WDR74: variants seen among roughly 807,000 people sequenced by gnomAD.
WDR74 encodes WD repeat domain 74, also known as WD repeat-containing protein 74.
WDR74 carries 31 observed loss-of-function variants against 45.6 expected under a neutral mutation model. The observed-to-expected ratio is 0.68, with a 90% CI of 0.51 to 0.92. The LOEUF (loss-of-function observed/expected upper bound fraction) is 0.92, where lower values mean the gene tolerates loss of function less well. Among genes scored for constraint, WDR74 ranks in the 40% least tolerant of loss-of-function variants. WDR74 has a pLI of 0.00. For synonymous variants in WDR74, 191 were observed against 192.4 expected, an observed-to-expected ratio of 0.99 and a Z score of 0.06; for missense variants, 455 against 497.2, an observed-to-expected ratio of 0.92 and a Z score of 0.81.
intron 3 of WDR74, chr11:62,836,798 C>T (rs2134889511): frequency 6.6e-6 from 1 of 152,622 alleles, no homozygotes; most frequent in East Asian, 1.9e-4. Context: ...CTTGGCCAGG[C>T]ACAGTGGCTC....
chr11:62,838,153 T>G (rs1256244237), intron 3 of WDR74, among the ~76,000 whole-genome samples: 2 of 152,012 alleles, frequency 1.3e-5, no homozygotes, highest in Non-Finnish European at 2.9e-5. Flanking sequence ...GCTTAAAACT[T>G]TTTTTGTTGT....
upstream of WDR74, chr11:62,841,433 G>C (rs780252595): frequency 1.3e-5 from 2 of 152,220 alleles, no homozygotes; most frequent in African/African-American, 4.8e-5. Flanking sequence ...ACCACATGGA[G>C]ATACTACGCT....
At chr11:62,838,963 G>A (rs1354974846) in intron 3 of WDR74, 151 bp downstream of exon 3, 1 of 1,059,032 alleles carries the variant, frequency 9.4e-7, no homozygotes, top group Admixed American at 2.7e-5. Flanking sequence ...GTGTGTTACA[G>A]GTATGAACTA....
upstream of WDR74, chr11:62,841,744 T>C (rs1029441923): frequency 2.6e-5 from 4 of 152,236 alleles, no homozygotes; most frequent in Admixed American, 6.5e-5. Flanking sequence ...ATAGAGGACG[T>C]ATCAGATATT....
chr11:62,835,246 A>G (rs2084940904), intron 6 of WDR74, 185 bp downstream of exon 6: 1 of 599,128 alleles, frequency 1.7e-6, no homozygotes, highest in Admixed American at 3.0e-5. Flanking sequence ...ATAGTTCAGG[A>G]AACTCCACCC....
intron 3 of WDR74, 105 bp from the exon 4 acceptor site, chr11:62,836,141 A>G: frequency 8.8e-6 from 10 of 1,131,994 alleles, no homozygotes; most frequent in Non-Finnish European, 1.3e-5. Context: ...AAAGAAAAAA[A>G]AAAGTATAAA....
chr11:62,837,705 C>T (rs757390254), intron 3 of WDR74, among the ~76,000 whole-genome samples: 2 of 152,012 alleles, frequency 1.3e-5, no homozygotes, highest in South Asian at 2.1e-4. Flanking sequence ...GACATCCAGT[C>T]CCCCCCACAG....
At chr11:62,836,126 T>A in intron 3 of WDR74, 90 bp from the exon 4 acceptor site, 2 of 1,303,768 alleles carry the variant, frequency 1.5e-6, no homozygotes, top group Non-Finnish European at 2.2e-6. Context: ...AGTTGACTAA[T>A]GTTTAAAGAA....
chr11:62,841,671 G>T (rs970596915), upstream of WDR74: 3 of 152,142 alleles, frequency 2.0e-5, no homozygotes, highest in African/African-American at 4.8e-5. Context: ...TGCGTGGAGT[G>T]GACGGAGCAA....
intron 3 of WDR74, among the ~76,000 whole-genome samples, chr11:62,837,352 C>T (rs1227784818): frequency 6.6e-6 from 1 of 151,984 alleles, no homozygotes; most frequent in Non-Finnish European, 1.5e-5. Context: ...AAAAACTTAG[C>T]TGGGCGTGGT....
At chr11:62,836,670 C>G (rs2084964550) in intron 3 of WDR74, 1 of 154,988 alleles carries the variant, frequency 6.5e-6, no homozygotes, top group African/African-American at 2.4e-5. Flanking sequence ...GGTTCGGGCT[C>G]TGTATCGACT....
In WDR74 at chr11:62,839,400, C is replaced by A; in HGVS notation, c.93G>T (p.Ala31=). 1 of 1,613,130 alleles carries A rather than the reference C, an allele frequency of 6.2e-7. No individual in the cohort carries two copies. The highest frequency in any genetic ancestry group is 8.5e-7 in the Non-Finnish European group (1 of 1,179,846). Residue 31 remains alanine, a synonymous_variant, in exon 2 of 11, where the codon GCG becomes GCT. Transcript: ENST00000278856. ...KGVNLQRKQA[A]NFTAGGQPRR... ...GCGGCTGTCCTCCGGCCGTGAAGTT[C>A]GCCGCCTGTTTTCGCTGAAGATTTA... is the stretch of plus-strand genomic sequence containing the variant.
upstream of WDR74, chr11:62,841,516 T>TA (rs1265355825): frequency 3.3e-5 from 5 of 152,054 alleles, no homozygotes; most frequent in Admixed American, 6.6e-5. Flanking sequence ...ACACTAGCGA[T>TA]AAAAACACCT....
intron 6 of WDR74, 46 bp downstream of exon 6, chr11:62,835,385 A>G: frequency 6.4e-7 from 1 of 1,565,126 alleles, no homozygotes; most frequent in Non-Finnish European, 8.8e-7. Context: ...TTTCTCCAGG[A>G]GGCTGCTTTA....
chr11:62,841,492 A>C (rs1042578306), upstream of WDR74: 1 of 152,164 alleles, frequency 6.6e-6, no homozygotes, highest in Non-Finnish European at 1.5e-5. Flanking sequence ...ACACTCAAAC[A>C]CGCGTCATTC....
chr11:62,833,149 A>G lies in WDR74; in HGVS notation c.979-18T>C. On this transcript the variant is annotated intron_variant, in intron 10 of 10. Transcript: ENST00000278856. ...GGCTCATCCTGGTGAGTGGGAAGAA[A>G]GCTTAGGAGTCAGGGGGGCCGGGCA... The G allele has an allele frequency of 6.2e-7, 1 of 1,611,382 alleles. No homozygotes were observed. The highest frequency in any genetic ancestry group is 2.2e-5 in the East Asian group (1 of 44,822).
At chr11:62,841,357 G>A (rs1327400019), upstream of WDR74, among the ~76,000 whole-genome samples, 2 of 152,080 alleles carry the variant, frequency 1.3e-5, no homozygotes, top group East Asian at 3.9e-4. Context: ...AACATTAGCC[G>A]GGGGTGGTGG....
At position 62,835,802 on chromosome 11, in the gene WDR74, G is replaced by A. The variant is rs748137132; in HGVS notation, c.409C>T (p.Arg137Cys). 249 of 1,613,006 alleles carry A rather than the reference G, an allele frequency of 1.5e-4. No homozygotes were observed. Among genetic ancestry groups the A allele is most frequent in the Non-Finnish European group, 2.0e-4 (232 of 1,179,550 alleles). Residue 137 changes from arginine to cysteine, a missense_variant, in exon 5 of 11, where the codon CGC becomes TGC. Arg to Cys is a radical substitution (Grantham distance 180, BLOSUM62 -3). Transcript: ENST00000278856. The part of the protein sequence containing the change: ...LRVGPGVCRM[R>C]QDPAHPHVVA... ...ACATGGGGGTGTGCTGGGTCTTGGC[G>A]CATCCTACACACCCCAGGGCCCACT...
Position 62,833,873 on chromosome 11 carries a change from T to C in WDR74, c.840A>G (p.Ser280=). ...AGCCACAGGAGGCTAGTAGAGGCTT[T>C]GAAGGGTGGCACTGCAACCCACGCA... ...GSVRGLQCHP[S]KPLLASCGLD... The change falls in exon 9 of 11, where the codon TCA becomes TCG. Residue 280 remains serine, a synonymous_variant. Transcript: ENST00000278856. The C allele has an allele frequency of 6.2e-7, 1 of 1,613,978 alleles. No homozygotes were observed. The highest frequency in any genetic ancestry group is 8.5e-7 in the Non-Finnish European group (1 of 1,179,882).
Sources: gnomAD v4.1 joint callset for allele counts (sites outside exome capture counted in the v4.1 genomes callset) on GRCh38, gnomAD v4.1.1 for gene constraint, MANE v1.5 for transcripts, NCBI Gene and HGNC (gene_info 2026-07-23, HGNC 2026-07-21) for gene names.